CNIH3: variants seen among roughly 807,000 people sequenced by gnomAD.
The protein encoded by CNIH3 is cornichon family AMPA receptor auxiliary protein 3, also known as protein cornichon homolog 3.
CNIH3 carries 14 observed loss-of-function variants against 24.1 expected under a neutral mutation model. That is an observed-to-expected ratio of 0.58 (90% CI 0.38 to 0.91). The LOEUF is 0.91. Ranked by LOEUF, CNIH3 falls within the 40% of genes least tolerant of loss-of-function variation. The probability of loss-of-function intolerance (pLI) is 0.00; values close to 1 mark genes in which losing one functional copy is unlikely to be tolerated. For synonymous variants in CNIH3, 68 were observed against 73.8 expected, an observed-to-expected ratio of 0.92 and a Z score of 0.40; for missense variants, 178 against 196.8, an observed-to-expected ratio of 0.90 and a Z score of 0.57.
At chr1:224,712,424 C>T (rs927862795) in intron 3 of CNIH3, among the ~76,000 whole-genome samples, 1 of 152,144 alleles carries the variant, frequency 6.6e-6, no homozygotes, top group East Asian at 1.9e-4. Context: ...TTTGATCTCT[C>T]CTTCTGGATT....
intron 1 of CNIH3, among the ~76,000 whole-genome samples, chr1:224,480,204 G>C (rs1472291347): frequency 2.0e-5 from 3 of 152,194 alleles, no homozygotes; most frequent in Non-Finnish European, 2.9e-5. Flanking sequence ...AGCCTGAGCT[G>C]TACCTTAGCC....
At position 224,473,547 on chromosome 1, in the gene CNIH3, C is replaced by T. The variant is rs1024505279; in HGVS notation, n.203+38685C>T. On this transcript the variant is annotated intron_variant and non_coding_transcript_variant, in intron 1 of 5. Coordinates refer to the CNIH3 transcript ENST00000471578. ...GTTTCAATACAAAAACTATAAAAAGCGACAAAAAGGTCATTATATAATGAT... is the reference window on the plus strand; with the variant it reads ...GTTTCAATACAAAAACTATAAAAAGTGACAAAAAGGTCATTATATAATGAT... 5.9e-5 allele frequency among the ~76,000 whole-genome samples: 9 copies of T among 151,926 alleles called. No homozygotes were observed. In the South Asian group the frequency reaches 8.3e-4, roughly 14 times the overall value.
At chr1:224,572,759 A>G (rs1680876802) in intron 4 of CNIH3, among the ~76,000 whole-genome samples, 1 of 152,112 alleles carries the variant, frequency 6.6e-6, no homozygotes. Context: ...AATCCATGAG[A>G]AAAGGATGTC....
chr1:224,711,336 T>TG (rs1431868091), intron 3 of CNIH3, among the ~76,000 whole-genome samples: 21 of 151,902 alleles, frequency 1.4e-4, no homozygotes, highest in Non-Finnish European at 2.8e-4. Context: ...TTTTTTTTTT[T>TG]GGAGACAGGG....
Position 224,734,598 on chromosome 1 carries a change from C to T in CNIH3, c.347C>T (p.Ala116Val). The T allele has an allele frequency of 6.2e-7, 1 of 1,614,112 alleles. No homozygotes were observed. The highest frequency in any genetic ancestry group is 8.5e-7 in the Non-Finnish European group (1 of 1,179,998). The change falls in exon 5 of 6, where the codon GCC becomes GTC. Residue 116 changes from alanine (A) to valine (V), a missense_variant. Ala to Val is a moderately conservative substitution (Grantham distance 64). Coordinates refer to ENST00000272133, the MANE Select transcript of CNIH3 (RefSeq NM_152495.2). ...FHCPADSSEL[A>V]YDPPVVMNAD... ...TGTCCAGCAGATAGCTCAGAACTAG[C>T]CTACGACCCACCGGTGGTCATGAAT...
intron 1 of CNIH3, among the ~76,000 whole-genome samples, chr1:224,645,959 C>T (rs1347000006): frequency 6.6e-6 from 1 of 152,138 alleles, no homozygotes; most frequent in Non-Finnish European, 1.5e-5. Flanking sequence ...AGTATGCAGG[C>T]TATTTTGGGC....
intron 4 of CNIH3, chr1:224,574,447 T>C: frequency 8.0e-6 from 5 of 621,296 alleles, no homozygotes; most frequent in South Asian, 5.6e-5. Context: ...GCCAGCCACA[T>C]TGTGCTCAAC....
At chr1:224,442,367 A>G (rs1216761987) in intron 1 of CNIH3, among the ~76,000 whole-genome samples, 3 of 152,188 alleles carry the variant, frequency 2.0e-5, no homozygotes, top group Non-Finnish European at 4.4e-5. Context: ...CCTGAAAAAT[A>G]AGGATGTACA....
At chr1:224,499,961 G>A (rs1451611860) in intron 1 of CNIH3, among the ~76,000 whole-genome samples, 1 of 151,752 alleles carries the variant, frequency 6.6e-6, no homozygotes, top group Non-Finnish European at 1.5e-5. Flanking sequence ...GGGGCTTTGG[G>A]TAAGGCTCAA....
chr1:224,533,156 G>GA (rs893712801), intron 2 of CNIH3, among the ~76,000 whole-genome samples: 3 of 151,400 alleles, frequency 2.0e-5, no homozygotes, highest in African/African-American at 7.3e-5. Flanking sequence ...CCAAATAGAG[G>GA]AAAATGCTCT....
intron 1 of CNIH3, among the ~76,000 whole-genome samples, chr1:224,651,808 C>G (rs935987476): frequency 2.0e-5 from 3 of 152,132 alleles, no homozygotes; most frequent in Non-Finnish European, 4.4e-5. Flanking sequence ...ATATTCTTAC[C>G]TAGTGGTGTC....
Position 224,672,079 on chromosome 1 carries a change from G to C in CNIH3, c.82-8879G>C, listed in dbSNP as rs549584400. On this transcript the variant is annotated intron_variant, in intron 1 of 5. Coordinates refer to ENST00000272133, the MANE Select transcript of CNIH3 (RefSeq NM_152495.2). ...AGTGGAGCTCTTTGTGCTTTAACAGGACCTTAGAAAGGGTCCCTAAAACTT... is the reference window on the plus strand; with the variant it reads ...AGTGGAGCTCTTTGTGCTTTAACAGCACCTTAGAAAGGGTCCCTAAAACTT... 2.6e-4 allele frequency among the ~76,000 whole-genome samples: 39 copies of C among 152,258 alleles called. 3 individuals carry two copies. In the South Asian group the frequency reaches 8.1e-3, roughly 32 times the overall value.
chr1:224,558,493 A>G (rs1472838512), intron 3 of CNIH3, among the ~76,000 whole-genome samples: 1 of 152,134 alleles, frequency 6.6e-6, no homozygotes, highest in Non-Finnish European at 1.5e-5. Flanking sequence ...AAGAGGGTGC[A>G]TTTTCTGTAG....
chr1:224,477,063 G>T (rs558031571), intron 1 of CNIH3, among the ~76,000 whole-genome samples: 1 of 152,204 alleles, frequency 6.6e-6, no homozygotes, highest in Non-Finnish European at 1.5e-5. Context: ...TTTCTAAGCA[G>T]CTGGTGACCA....
intron 3 of CNIH3, among the ~76,000 whole-genome samples, chr1:224,565,048 C>T (rs963581710): frequency 6.6e-6 from 1 of 152,214 alleles, no homozygotes; most frequent in Non-Finnish European, 1.5e-5. Context: ...AAAAAAGGTT[C>T]AGTTGATTCC....
intron 4 of CNIH3, among the ~76,000 whole-genome samples, chr1:224,733,623 C>T (rs931804101): frequency 2.0e-5 from 3 of 152,180 alleles, no homozygotes; most frequent in Non-Finnish European, 2.9e-5. Context: ...ATCTCCCGGT[C>T]GGAGCCCTCT....
intron 4 of CNIH3, chr1:224,575,420 C>T: frequency 3.0e-6 from 3 of 989,098 alleles, no homozygotes; most frequent in Non-Finnish European, 4.7e-6. Context: ...CCCCAAGTGA[C>T]CTATACCGTG....
intron 3 of CNIH3, among the ~76,000 whole-genome samples, chr1:224,597,807 C>A (rs998334135): frequency 6.6e-6 from 1 of 152,148 alleles, no homozygotes; most frequent in Non-Finnish European, 1.5e-5. Context: ...GGAAGGGAGT[C>A]ATAGGAGCCC....
intron 2 of CNIH3, among the ~76,000 whole-genome samples, chr1:224,535,549 T>G (rs1168267662): frequency 6.6e-6 from 1 of 152,224 alleles, no homozygotes; most frequent in African/African-American, 2.4e-5. Context: ...TGAATTGACT[T>G]AGCAAATTAA....
Sources: gnomAD v4.1 joint callset for allele counts (sites outside exome capture counted in the v4.1 genomes callset) on GRCh38, gnomAD v4.1.1 for gene constraint, MANE v1.5 for transcripts, NCBI Gene and HGNC (gene_info 2026-07-23, HGNC 2026-07-21) for gene names.